The following RPS6KC1 variants were observed in gnomAD, a reference collection of about 807,000 sequenced individuals.
RPS6KC1 encodes the protein ribosomal protein S6 kinase C1.
RPS6KC1 carries 54 observed loss-of-function variants against 103.8 expected under a neutral mutation model. The observed-to-expected ratio is 0.52, with a 90% CI of 0.42 to 0.65. The LOEUF is 0.65. Among genes scored for constraint, RPS6KC1 ranks in the 30% least tolerant of loss-of-function variants. The pLI is 0.00. For missense variants in RPS6KC1, 1,151 were observed against 1,253.8 expected, an observed-to-expected ratio of 0.92 and a Z score of 1.24; for synonymous variants, 439 against 438.7, an observed-to-expected ratio of 1.00 and a Z score of -0.01.
the RPS6KC1 span, among the ~76,000 whole-genome samples, chr1:213,606,295 T>C: frequency 6.6e-6 from 1 of 152,084 alleles, no homozygotes; most frequent in African/African-American, 2.4e-5. Flanking sequence ...GCAAACAGGG[T>C]CCAAATGGGA....
chr1:213,664,204 G>T, the RPS6KC1 span, among the ~76,000 whole-genome samples: 1 of 141,376 alleles, frequency 7.1e-6, no homozygotes, highest in East Asian at 2.2e-4. Flanking sequence ...GGGGGGCGGG[G>T]TGGGGAGGGG....
the RPS6KC1 span, among the ~76,000 whole-genome samples, chr1:213,854,549 T>A: frequency 9.6e-6 from 1 of 104,676 alleles, no homozygotes; most frequent in Non-Finnish European, 1.9e-5. Context: ...TCTTTCTTTC[T>A]TTCTTTCTTT....
chr1:213,105,333 T>C (rs540841304), intron 4 of RPS6KC1, among the ~76,000 whole-genome samples: 6 of 151,840 alleles, frequency 4.0e-5, no homozygotes, highest in South Asian at 4.2e-4. Context: ...CCCTGTTGCA[T>C]TGAGTTAACC....
chr1:213,709,404 A>G, the RPS6KC1 span, among the ~76,000 whole-genome samples: 4 of 152,074 alleles, frequency 2.6e-5, no homozygotes, highest in Admixed American at 6.5e-5. Context: ...TATCCTCTTT[A>G]TCATTTTATA....
At chr1:213,604,906 G>T in the RPS6KC1 span, among the ~76,000 whole-genome samples, 2 of 152,190 alleles carry the variant, frequency 1.3e-5, no homozygotes, top group Non-Finnish European at 2.9e-5. Context: ...GAGATGGGAA[G>T]GGTGGCTTGC....
At chr1:213,678,532 G>A in the RPS6KC1 span, among the ~76,000 whole-genome samples, 13 of 152,214 alleles carry the variant, frequency 8.5e-5, no homozygotes, top group African/African-American at 2.7e-4. Flanking sequence ...CCAGAGGGCA[G>A]CTAGGCATGT....
chr1:213,845,666 TA>T, the RPS6KC1 span, among the ~76,000 whole-genome samples: 1 of 152,328 alleles, frequency 6.6e-6, no homozygotes, highest in South Asian at 2.1e-4. Flanking sequence ...AGGTACTAGA[TA>T]TTACCTAATC....
chr1:213,374,193 G>T, the RPS6KC1 span, among the ~76,000 whole-genome samples: 2 of 152,218 alleles, frequency 1.3e-5, no homozygotes, highest in Non-Finnish European at 1.5e-5. Context: ...ATGGTTGATA[G>T]TAAATGCTCA....
At chr1:213,280,229 G>A in the RPS6KC1 span, among the ~76,000 whole-genome samples, 14 of 152,126 alleles carry the variant, frequency 9.2e-5, no homozygotes, top group Non-Finnish European at 1.8e-4. Flanking sequence ...AAAATGAAGA[G>A]CACTTGATGG....
the RPS6KC1 span, among the ~76,000 whole-genome samples, chr1:213,772,876 A>G: frequency 6.6e-6 from 1 of 152,202 alleles, no homozygotes; most frequent in Non-Finnish European, 1.5e-5. Flanking sequence ...TCTCTCTGCT[A>G]TAAACTGCCT....
At position 213,145,967 on chromosome 1, in the gene RPS6KC1, GTTTTTTT is replaced by G. The variant is rs71573864; in HGVS notation, c.835+16099_835+16105del. On this transcript the variant is annotated intron_variant, in intron 6 of 14. Transcript: ENST00000366960. Reference sequence around the variant, plus strand: ...CAAATAGGTCTTATTCATTCATTCTGTTTTTTTTTTTTTTTTTTTTTTTTTTTGGTAT... The same window carrying G: ...CAAATAGGTCTTATTCATTCATTCTGTTTTTTTTTTTTTTTTTTTTGGTAT... 4.6e-4 allele frequency among the ~76,000 whole-genome samples: 22 copies of G among 47,832 alleles called. No individual in the cohort carries two copies. The South Asian group carries it at 5.9e-3, about 13-fold the overall frequency. The allele number at this position is 47,832 out of a possible 152,430, so 31.4% of individuals were successfully genotyped here.
At chr1:213,582,573 G>T in the RPS6KC1 span, among the ~76,000 whole-genome samples, 2 of 152,136 alleles carry the variant, frequency 1.3e-5, no homozygotes, top group Non-Finnish European at 2.9e-5. Flanking sequence ...TGTTTAAAAA[G>T]TTAACTTTAT....
chr1:213,775,156 A>G, the RPS6KC1 span, among the ~76,000 whole-genome samples: 1 of 152,192 alleles, frequency 6.6e-6, no homozygotes, highest in African/African-American at 2.4e-5. Context: ...TCAACAATAC[A>G]TTGTGTATAA....
chr1:213,694,703 T>C, the RPS6KC1 span, among the ~76,000 whole-genome samples: 1 of 152,196 alleles, frequency 6.6e-6, no homozygotes, highest in Non-Finnish European at 1.5e-5. Context: ...CATAGCCATA[T>C]GAAGGAAGAT....
intron 3 of RPS6KC1, among the ~76,000 whole-genome samples, chr1:213,095,350 T>C (rs942850176): frequency 1.3e-5 from 2 of 152,214 alleles, no homozygotes; most frequent in African/African-American, 2.4e-5. Context: ...CAAGGATAAG[T>C]TTTAGTTCCA....
At chr1:213,130,012 A>G (rs2085424145) in intron 6 of RPS6KC1, 123 bp downstream of exon 6, 1 of 961,766 alleles carries the variant, frequency 1.0e-6, no homozygotes, top group African/African-American at 1.7e-5. Flanking sequence ...AAATTACTGA[A>G]GCTTAAAAGA....
At chr1:213,525,449 G>C in the RPS6KC1 span, among the ~76,000 whole-genome samples, 2 of 152,160 alleles carry the variant, frequency 1.3e-5, no homozygotes, top group Non-Finnish European at 2.9e-5. Context: ...TATCAAGTAG[G>C]TGGCTGTATG....
At chr1:213,753,183 G>A in the RPS6KC1 span, among the ~76,000 whole-genome samples, 1 of 152,188 alleles carries the variant, frequency 6.6e-6, no homozygotes, top group Admixed American at 6.5e-5. Flanking sequence ...GAAAAAATAG[G>A]AGTAAGAATC....
At chr1:213,670,387 G>C in the RPS6KC1 span, among the ~76,000 whole-genome samples, 1 of 152,200 alleles carries the variant, frequency 6.6e-6, no homozygotes, top group African/African-American at 2.4e-5. Flanking sequence ...GGAAGAATGA[G>C]CAGTAGGGGG....
Sources: allele counts gnomAD v4.1 joint callset (sites outside exome capture counted in the v4.1 genomes callset), GRCh38; gene constraint gnomAD v4.1.1; transcripts MANE v1.5; gene names NCBI Gene and HGNC (gene_info 2026-07-23, HGNC 2026-07-21).